Variants in SLC1A1 observed in about 807,000 individuals in gnomAD.
SLC1A1 encodes the protein solute carrier family 1 member 1, also known as excitatory amino acid transporter 3.
A neutral mutation model predicts 53.3 loss-of-function variants in SLC1A1; 43 were observed. That is an observed-to-expected ratio of 0.81 (90% CI 0.63 to 1.04). The LOEUF (loss-of-function observed/expected upper bound fraction) is 1.04. Ranked by LOEUF, SLC1A1 falls within the 50% of genes least tolerant of loss-of-function variation. The pLI, the probability that SLC1A1 is intolerant of heterozygous loss-of-function variation, is 0.00. For missense variants in SLC1A1, 748 were observed against 664.9 expected (o/e 1.12, Z -1.37); for synonymous variants, 307 against 243.2 (o/e 1.26, Z -2.44).
rs1818367907 is a variant in SLC1A1 at position 4,556,221 on chromosome 9, T to C, written c.233-5228T>C. Among the ~76,000 whole-genome samples, 3 of 152,138 alleles carry C rather than the reference T, an allele frequency of 2.0e-5. No individual in the cohort carries two copies. The highest frequency in any genetic ancestry group is 2.9e-5 in the Non-Finnish European group (2 of 68,014). The stretch of plus-strand genomic sequence containing the variant: ...TTTAAGTAGAGATGGGGTTTCACCA[T>C]GTTGGCCAGGCTGGTCTCAAACTCC... On this transcript the variant is annotated intron_variant, in intron 2 of 11. Coordinates refer to ENST00000262352, the MANE Select transcript of SLC1A1 (RefSeq NM_004170.6). This position sits in a 1 kb window ranked among gnomAD's most constrained non-coding sequence, Gnocchi z 4.1.
rs923106546 is a variant in SLC1A1 at position 4,586,167 on chromosome 9, C to T, written c.*609C>T. 9 of 160,404 alleles carry T rather than the reference C, an allele frequency of 5.6e-5. No individual in the cohort carries two copies. Among genetic ancestry groups the T allele is most frequent in the South Asian group, 5.4e-4 (3 of 5,548 alleles). The allele number at this position is 160,404 out of a possible 1,614,324, so 9.9% of individuals were successfully genotyped here. ...GGAGAAGGATTCTTTTTTCAATGTA[C>T]TGTATTGGGACGCTGGTAACTGTTA... On this transcript the variant is annotated 3_prime_UTR_variant, in exon 12 of 12. Coordinates refer to ENST00000262352, the MANE Select transcript of SLC1A1 (RefSeq NM_004170.6).
chr9:4,566,016 A>C (rs1564048855), intron 4 of SLC1A1, 31 bp from the exon 5 acceptor site: 1 of 1,585,430 alleles, frequency 6.3e-7, no homozygotes, highest in East Asian at 2.2e-5. Context: ...TTTTTGCCCT[A>C]ACATAATACT....
At chr9:4,495,467 G>C (rs1820383280) in intron 1 of SLC1A1, among the ~76,000 whole-genome samples, 1 of 152,174 alleles carries the variant, frequency 6.6e-6, no homozygotes, top group Non-Finnish European at 1.5e-5. Flanking sequence ...GATGAGAATA[G>C]TGTTCTGGAG....
intron 10 of SLC1A1, among the ~76,000 whole-genome samples, chr9:4,580,826 G>C (rs1047534729): frequency 3.3e-5 from 5 of 152,108 alleles, no homozygotes; most frequent in African/African-American, 1.2e-4. Flanking sequence ...CAGCAATAGA[G>C]GAAGCATTAG....
chr9:4,506,845 T>C (rs912121969), intron 1 of SLC1A1, among the ~76,000 whole-genome samples: 6 of 152,150 alleles, frequency 3.9e-5, no homozygotes, highest in Non-Finnish European at 5.9e-5. Context: ...CTCTCTCCCC[T>C]CTTAGAACCT....
intron 1 of SLC1A1, among the ~76,000 whole-genome samples, chr9:4,502,312 G>A (rs946120858): frequency 2.1e-5 from 3 of 145,228 alleles, no homozygotes; most frequent in Admixed American, 7.0e-5. Context: ...ACTTGAGCCC[G>A]GGAGGTTGAG....
chr9:4,528,545 C>T (rs1331381752), intron 1 of SLC1A1, among the ~76,000 whole-genome samples: 1 of 152,144 alleles, frequency 6.6e-6, no homozygotes, highest in Non-Finnish European at 1.5e-5. Flanking sequence ...CACTGCACTC[C>T]AGCCTGGGAG....
chr9:4,564,399 T>G lies in SLC1A1; in HGVS notation c.381T>G (p.Ile127Met). 2 of 1,613,926 alleles carry G rather than the reference T, an allele frequency of 1.2e-6. No individual in the cohort carries two copies. The highest frequency in any genetic ancestry group is 1.7e-6 in the Non-Finnish European group (2 of 1,179,942). ...KPGVTQKVGE[I>M]ARTGSTPEVS... ...GTGTCACCCAGAAAGTGGGTGAAAT[T>G]GCGAGGACAGGCAGCACCCCTGAAG... is the stretch of plus-strand genomic sequence containing the variant. The change falls in exon 4 of 12, where the codon ATT becomes ATG. Residue 127 changes from isoleucine to methionine, a missense_variant. Transcript: ENST00000262352.
chr9:4,538,425 T>C (rs901626665), intron 1 of SLC1A1, among the ~76,000 whole-genome samples: 1 of 152,132 alleles, frequency 6.6e-6, no homozygotes, highest in Non-Finnish European at 1.5e-5. Flanking sequence ...AGGGATAACT[T>C]TGAATAGAAT....
chr9:4,522,632 C>T (rs935173190), intron 1 of SLC1A1, among the ~76,000 whole-genome samples: 3 of 152,100 alleles, frequency 2.0e-5, no homozygotes, highest in Admixed American at 6.5e-5. Flanking sequence ...CAAAGTTCTG[C>T]GTGGCTGGGG....
intron 1 of SLC1A1, among the ~76,000 whole-genome samples, chr9:4,542,798 T>C (rs928912910): frequency 6.6e-6 from 1 of 152,240 alleles, no homozygotes; most frequent in African/African-American, 2.4e-5. Flanking sequence ...TTGGTGTTCT[T>C]ATCCATTCAA....
chr9:4,532,282 C>T (rs913673913), intron 1 of SLC1A1, among the ~76,000 whole-genome samples: 4 of 151,904 alleles, frequency 2.6e-5, no homozygotes, highest in African/African-American at 7.3e-5. Context: ...GGAGGAAGTT[C>T]GAACCCAAGG....
rs906501747 is a variant in SLC1A1, at chr9:4,496,942, A to G, written c.91+6172A>G. On this transcript the variant is annotated intron_variant, in intron 1 of 11. Coordinates refer to ENST00000262352, the MANE Select transcript of SLC1A1 (RefSeq NM_004170.6). Reference sequence around the variant, plus strand: ...ATGCAGAAGAGAGAGAAAATAATGAATGCTGTTGGGTGGAGTGAGGCCTGG... The same window carrying G: ...ATGCAGAAGAGAGAGAAAATAATGAGTGCTGTTGGGTGGAGTGAGGCCTGG... Among the ~76,000 whole-genome samples the G allele has an allele frequency of 4.3e-4, 66 of 151,982 alleles. 1 individual carries two copies. The highest frequency in any genetic ancestry group is 1.6e-3 in the African/African-American group (65 of 41,380).
At chr9:4,547,626 T>G (rs1433798247) in intron 2 of SLC1A1, among the ~76,000 whole-genome samples, 2 of 152,334 alleles carry the variant, frequency 1.3e-5, no homozygotes, top group Non-Finnish European at 2.9e-5. Flanking sequence ...CATGTTCTGA[T>G]CTCTTCACCC....
At chr9:4,528,122 C>T (rs1364433817) in intron 1 of SLC1A1, among the ~76,000 whole-genome samples, 1 of 152,124 alleles carries the variant, frequency 6.6e-6, no homozygotes, top group Non-Finnish European at 1.5e-5. Flanking sequence ...ATGCATACCA[C>T]GATGCGGTGA....
At position 4,511,566 on chromosome 9, in the gene SLC1A1, TACACAC is replaced by T. The variant is rs113277990; in HGVS notation, c.91+20825_91+20830del. Among the ~76,000 whole-genome samples, 181 of 146,332 alleles carry T rather than the reference TACACAC, an allele frequency of 1.2e-3. 1 individual carries two copies. Among genetic ancestry groups the T allele is most frequent in the Middle Eastern group, 3.5e-3 (1 of 284 alleles). ...TTTTGCCTTAAACTCTTAAGAATTC[TACACAC>T]ACACACACACACACACACACACACA... On this transcript the variant is annotated intron_variant, in intron 1 of 11. Transcript: ENST00000262352.
At chr9:4,514,919 T>C (rs1432142182) in intron 1 of SLC1A1, among the ~76,000 whole-genome samples, 1 of 151,968 alleles carries the variant, frequency 6.6e-6, no homozygotes, top group Non-Finnish European at 1.5e-5. Flanking sequence ...TTACATTACT[T>C]TACATTACAG....
intron 1 of SLC1A1, among the ~76,000 whole-genome samples, chr9:4,524,954 C>A (rs761805149): frequency 1.4e-4 from 21 of 152,096 alleles, no homozygotes; most frequent in Non-Finnish European, 2.6e-4. Flanking sequence ...TCCCACTGGG[C>A]CCTGCCTTCC....
chr9:4,545,204 T>TCTCTCTCTCTCTCTCTCTCC (rs1817379359), intron 2 of SLC1A1, among the ~76,000 whole-genome samples: 1 of 151,528 alleles, frequency 6.6e-6, no homozygotes, highest in Admixed American at 6.6e-5. Context: ...TCTCTCTCTC[T>TCTCTCTCTCTCTCTCTCTCC]CTCTCTCTCT....
Sources: allele counts gnomAD v4.1 joint callset (sites outside exome capture counted in the v4.1 genomes callset), GRCh38; gene constraint gnomAD v4.1.1; non-coding constraint Gnocchi (gnomAD v3.1); transcripts MANE v1.5; gene names NCBI Gene and HGNC (gene_info 2026-07-23, HGNC 2026-07-21).